FAT3: variants seen among roughly 807,000 people sequenced by gnomAD.
FAT3 encodes the protein FAT atypical cadherin 3, also known as protocadherin Fat 3.
Under a neutral mutation model 310.2 loss-of-function variants are expected in FAT3, and 95 were observed. That is an observed-to-expected ratio of 0.31 (90% CI 0.26 to 0.36). The LOEUF (loss-of-function observed/expected upper bound fraction) is 0.36. Ranked by LOEUF, FAT3 falls within the 10% of genes least tolerant of loss-of-function variation. The pLI is 1.00. For missense variants in FAT3, 5,408 were observed against 5,715.6 expected, an observed-to-expected ratio of 0.95 and a Z score of 1.74; for synonymous variants, 2,314 against 2,192.9, an observed-to-expected ratio of 1.06 and a Z score of -1.54.
chr11:92,508,502 A>G (rs139880728), intron 2 of FAT3, among the ~76,000 whole-genome samples: 35 of 152,308 alleles, frequency 2.3e-4, no homozygotes, highest in African/African-American at 7.9e-4. Context: ...AGAAAAAGTT[A>G]TCTGAAAAGG....
At chr11:92,272,921 G>A (rs978653693) in intron 1 of FAT3, among the ~76,000 whole-genome samples, 1 of 152,112 alleles carries the variant, frequency 6.6e-6, no homozygotes, top group African/African-American at 2.4e-5. Context: ...AGCCTTGCCC[G>A]GTGTTGTGTC....
At chr11:92,279,564 G>A (rs1353009671) in intron 1 of FAT3, among the ~76,000 whole-genome samples, 5 of 152,034 alleles carry the variant, frequency 3.3e-5, no homozygotes, top group Non-Finnish European at 7.4e-5. Context: ...TTTGTTCATC[G>A]ATACATAATA....
chr11:92,690,369 A>G (rs1439828091), intron 3 of FAT3, among the ~76,000 whole-genome samples: 4 of 152,170 alleles, frequency 2.6e-5, no homozygotes, highest in Non-Finnish European at 5.9e-5. Flanking sequence ...GAGAAGTCCA[A>G]CTTGCAGGCT....
At chr11:92,712,552 G>T (rs1257054324) in intron 4 of FAT3, among the ~76,000 whole-genome samples, 1 of 151,708 alleles carries the variant, frequency 6.6e-6, no homozygotes, top group African/African-American at 2.4e-5. Context: ...TACTGACTTT[G>T]TACTTATTAG....
At chr11:92,517,759 A>G (rs1314219215) in intron 2 of FAT3, among the ~76,000 whole-genome samples, 1 of 152,170 alleles carries the variant, frequency 6.6e-6, no homozygotes, top group Non-Finnish European at 1.5e-5. Context: ...TCTACAAGGA[A>G]CTTAAATTTA....
intron 2 of FAT3, among the ~76,000 whole-genome samples, chr11:92,369,682 A>G (rs1298778307): frequency 6.6e-6 from 1 of 152,102 alleles, no homozygotes; most frequent in East Asian, 1.9e-4. Flanking sequence ...ACCCATCTGT[A>G]CTAAAAATAC....
chr11:92,878,668 G>A (rs4463816), intron 22 of FAT3, among the ~76,000 whole-genome samples: 60,229 of 72,172 alleles, frequency 0.83, 25,014 homozygotes, highest in Middle Eastern at 0.94. Context: ...AAAAAAAAAA[G>A]CTCCGCACAA....
At chr11:92,776,936 C>T (rs1447908273) in intron 7 of FAT3, among the ~76,000 whole-genome samples, 2 of 152,344 alleles carry the variant, frequency 1.3e-5, no homozygotes, top group East Asian at 3.9e-4. Context: ...CTCTCTCACA[C>T]TTACCACGGC....
intron 2 of FAT3, among the ~76,000 whole-genome samples, chr11:92,453,207 A>G (rs1951405268): frequency 6.6e-6 from 1 of 152,214 alleles, no homozygotes; most frequent in Non-Finnish European, 1.5e-5. Context: ...AGCTGTTATC[A>G]GGGCCTGGAG....
intron 2 of FAT3, among the ~76,000 whole-genome samples, chr11:92,393,660 A>C (rs1949797143): frequency 6.6e-6 from 1 of 152,218 alleles, no homozygotes; most frequent in African/African-American, 2.4e-5. Context: ...TGTGGAATTT[A>C]CTTATGATCC....
chr11:92,452,408 A>G lies in FAT3; in HGVS notation c.3293-72226A>G, dbSNP rs1177024236. ...CAAGGAAATGATCTGGTAATCCAGC[A>G]GCAGAGACCAATAGGCAATTAGAAA... On this transcript the variant is annotated intron_variant, in intron 2 of 27. Coordinates refer to ENST00000525166, the MANE Select transcript of FAT3 (RefSeq NM_001367949.2). 1.3e-5 allele frequency among the ~76,000 whole-genome samples: 2 copies of G among 152,200 alleles called. 1 individual carries two copies. Among genetic ancestry groups the G allele is most frequent in the Non-Finnish European group, 2.9e-5 (2 of 68,030 alleles).
intron 3 of FAT3, among the ~76,000 whole-genome samples, chr11:92,677,797 C>T (rs1045010718): frequency 3.3e-5 from 5 of 152,116 alleles, no homozygotes; most frequent in African/African-American, 9.7e-5. Flanking sequence ...AACACACAAA[C>T]GATGCAATGA....
chr11:92,231,161 C>T (rs1864166012), intron 1 of FAT3, among the ~76,000 whole-genome samples: 1 of 152,180 alleles, frequency 6.6e-6, no homozygotes, highest in Non-Finnish European at 1.5e-5. Flanking sequence ...GTCTGGGAGC[C>T]TGCATGCAGG....
intron 3 of FAT3, among the ~76,000 whole-genome samples, chr11:92,691,774 A>C (rs1249245051): frequency 1.3e-5 from 2 of 152,186 alleles, no homozygotes; most frequent in Non-Finnish European, 2.9e-5. Flanking sequence ...AATGGAGTCA[A>C]AATAATTCCT....
In FAT3 at chr11:92,323,686, A is replaced by G. The variant is rs540232234; in HGVS notation, c.-17-28410A>G. Among the ~76,000 whole-genome samples, 9 of 148,816 alleles carry G rather than the reference A, an allele frequency of 6.0e-5. No homozygotes were observed. The East Asian group carries it at 1.6e-3, about 26-fold the overall frequency. ...TGTGCTGTCACCCAGCCTTTGTTCTATCGACAGTGAACAAGCAGAGTAGAT... is the reference window on the plus strand; with the variant it reads ...TGTGCTGTCACCCAGCCTTTGTTCTGTCGACAGTGAACAAGCAGAGTAGAT... On this transcript the variant is annotated intron_variant, in intron 1 of 27. Coordinates refer to ENST00000525166, the MANE Select transcript of FAT3 (RefSeq NM_001367949.2).
intron 1 of FAT3, among the ~76,000 whole-genome samples, chr11:92,255,017 T>C (rs1865261447): frequency 1.3e-5 from 2 of 152,174 alleles, no homozygotes; most frequent in South Asian, 2.1e-4. Context: ...CTCATTGTTA[T>C]TTTTTAACAT....
Position 92,353,673 on chromosome 11 carries a change from A to G in FAT3, c.1561A>G (p.Ile521Val). 6.2e-7 allele frequency: 1 copy of G among 1,613,970 alleles called. No homozygotes were observed. The highest frequency in any genetic ancestry group is 8.5e-7 in the Non-Finnish European group (1 of 1,179,874). Residue 521 changes from isoleucine to valine, a missense_variant, in exon 2 of 28, where the codon ATT becomes GTT. Physicochemically the swap from Ile to Val is conservative, Grantham distance 29. This residue lies in a region of FAT3 where 4,588 missense variants were observed against 4,809.8 expected (regional missense o/e 0.95). Transcript: ENST00000525166. ...IASLNLLPFVINQFTGVISTT... is the reference protein window; with the variant it reads ...IASLNLLPFVVNQFTGVISTT... ...TAGCCTGAATTTGTTACCATTTGTC[A>G]TTAATCAGTTTACAGGTGTTATTAG...
At chr11:92,401,644 C>T (rs898233516) in intron 2 of FAT3, among the ~76,000 whole-genome samples, 1 of 152,066 alleles carries the variant, frequency 6.6e-6, no homozygotes, top group Non-Finnish European at 1.5e-5. Context: ...AGAAGACTTG[C>T]AACACCATCC....
chr11:92,766,000 A>G (rs1390936997), intron 6 of FAT3, among the ~76,000 whole-genome samples: 1 of 152,090 alleles, frequency 6.6e-6, no homozygotes, highest in Non-Finnish European at 1.5e-5. Flanking sequence ...GCTGTCGTCC[A>G]TAAGAGGAAG....
Sources: gnomAD v4.1 joint callset for allele counts (sites outside exome capture counted in the v4.1 genomes callset) on GRCh38, gnomAD v4.1.1 for gene constraint, gnomAD v4.1.1 regional missense constraint, MANE v1.5 for transcripts, NCBI Gene and HGNC (gene_info 2026-07-23, HGNC 2026-07-21) for gene names.